The following SV2C variants were observed in gnomAD, a reference collection of about 807,000 sequenced individuals.
SV2C encodes synaptic vesicle glycoprotein 2C.
In SV2C, 49 loss-of-function variants were observed where a neutral mutation model predicts 79.7. That is an observed-to-expected ratio of 0.61 (90% confidence interval 0.49 to 0.78). The LOEUF (loss-of-function observed/expected upper bound fraction) is 0.78, where lower values mean the gene tolerates loss of function less well. Among genes scored for constraint, SV2C ranks in the 30% least tolerant of loss-of-function variants. The probability of loss-of-function intolerance (pLI) is 0.00; values close to 1 mark genes in which losing one functional copy is unlikely to be tolerated. For synonymous variants in SV2C, 334 were observed against 333.2 expected (o/e 1.00, Z -0.03); for missense variants, 833 against 912.9 (o/e 0.91, Z 1.13).
the SV2C span, among the ~76,000 whole-genome samples, chr5:75,933,339 A>C: frequency 6.6e-6 from 1 of 152,198 alleles, no homozygotes; most frequent in Non-Finnish European, 1.5e-5. Flanking sequence ...CCTCTACTGG[A>C]CAGCAAACTT....
At chr5:76,065,903 G>A in the SV2C span, among the ~76,000 whole-genome samples, 42 of 152,150 alleles carry the variant, frequency 2.8e-4, 1 homozygote, top group Admixed American at 1.3e-4. Context: ...GATAGACTCC[G>A]GAAGGGGGAT....
At chr5:75,939,479 G>A in the SV2C span, among the ~76,000 whole-genome samples, 1 of 152,014 alleles carries the variant, frequency 6.6e-6, no homozygotes, top group Non-Finnish European at 1.5e-5. Flanking sequence ...CCTCCCAGAG[G>A]CCCCACTTCC....
At chr5:75,934,420 G>T in the SV2C span, among the ~76,000 whole-genome samples, 1 of 149,464 alleles carries the variant, frequency 6.7e-6, no homozygotes, top group African/African-American at 2.5e-5. Flanking sequence ...CTGAGTAGCT[G>T]GGATTATAGG....
downstream of SV2C, among the ~76,000 whole-genome samples, chr5:76,335,885 A>T (rs575831288): frequency 6.6e-6 from 1 of 152,090 alleles, no homozygotes; most frequent in African/African-American, 2.4e-5. Flanking sequence ...CCCCCTTTCT[A>T]TTCCACAAAA....
At chr5:76,134,495 C>T (rs1316337993) in intron 2 of SV2C, among the ~76,000 whole-genome samples, 2 of 152,284 alleles carry the variant, frequency 1.3e-5, no homozygotes, top group East Asian at 3.9e-4. Flanking sequence ...GGATGCATGA[C>T]CCATGTTTGG....
chr5:75,899,837 T>C, the SV2C span, among the ~76,000 whole-genome samples: 51 of 152,230 alleles, frequency 3.4e-4, no homozygotes, highest in African/African-American at 1.2e-3. Flanking sequence ...TCTTTGTCTC[T>C]TTTGATCTTT....
the SV2C span, among the ~76,000 whole-genome samples, chr5:75,943,237 G>A: frequency 6.6e-6 from 1 of 152,140 alleles, no homozygotes; most frequent in Non-Finnish European, 1.5e-5. Flanking sequence ...GCTATTGCTT[G>A]GAAGAGAAAT....
intron 1 of SV2C, among the ~76,000 whole-genome samples, chr5:76,095,217 A>G (rs1004046518): frequency 3.3e-5 from 5 of 152,090 alleles, no homozygotes; most frequent in African/African-American, 1.2e-4. Context: ...CAGAGTTCCC[A>G]GTTACTCCAC....
At chr5:76,256,122 C>T (rs936563620) in intron 4 of SV2C, among the ~76,000 whole-genome samples, 5 of 152,188 alleles carry the variant, frequency 3.3e-5, no homozygotes, top group Admixed American at 1.3e-4. Flanking sequence ...TCACCAAGGC[C>T]ACTTTGTGCT....
the SV2C span, among the ~76,000 whole-genome samples, chr5:76,046,154 AG>A: frequency 1.3e-5 from 2 of 152,328 alleles, no homozygotes; most frequent in East Asian, 3.9e-4. Context: ...TCTATAAGTC[AG>A]GCTATTCACA....
At chr5:75,991,913 T>C in the SV2C span, among the ~76,000 whole-genome samples, 2 of 151,862 alleles carry the variant, frequency 1.3e-5, no homozygotes, top group Non-Finnish European at 2.9e-5. Flanking sequence ...ATTATAACTT[T>C]AATTTTAAAA....
At chr5:76,093,383 T>C (rs992994238) in intron 1 of SV2C, among the ~76,000 whole-genome samples, 23 of 152,176 alleles carry the variant, frequency 1.5e-4, no homozygotes, top group Non-Finnish European at 2.9e-5. Flanking sequence ...GTCCAGAATG[T>C]TGTTTGGGTG....
At chr5:75,984,990 C>G in the SV2C span, among the ~76,000 whole-genome samples, 1 of 152,032 alleles carries the variant, frequency 6.6e-6, no homozygotes, top group Non-Finnish European at 1.5e-5. Context: ...GTTGCTATAA[C>G]AGAATACTTG....
At chr5:75,971,544 T>A in the SV2C span, among the ~76,000 whole-genome samples, 64 of 151,878 alleles carry the variant, frequency 4.2e-4, no homozygotes, top group African/African-American at 1.5e-3. Flanking sequence ...GACAAACAGA[T>A]AGCCAAATCA....
intron 12 of SV2C, among the ~76,000 whole-genome samples, chr5:76,352,977 T>C (rs1749670935): frequency 1.3e-5 from 2 of 151,336 alleles, no homozygotes; most frequent in African/African-American, 4.9e-5. Flanking sequence ...GGTCTTGCTC[T>C]GTTGCCCAGG....
chr5:75,963,840 T>C, the SV2C span, among the ~76,000 whole-genome samples: 3 of 152,124 alleles, frequency 2.0e-5, no homozygotes, highest in Non-Finnish European at 4.4e-5. Flanking sequence ...CTCTTAGTGT[T>C]TCTCTCATAT....
At chr5:76,125,590 C>T (rs1748678380) in intron 1 of SV2C, among the ~76,000 whole-genome samples, 1 of 152,152 alleles carries the variant, frequency 6.6e-6, no homozygotes. Flanking sequence ...AACCCTCCTA[C>T]TCATACTCCA....
intron 4 of SV2C, among the ~76,000 whole-genome samples, chr5:76,214,480 T>C (rs1351773808): frequency 6.6e-6 from 1 of 152,226 alleles, no homozygotes; most frequent in Non-Finnish European, 1.5e-5. Flanking sequence ...GCTTTCTTCT[T>C]CTTGCTCAAG....
chr5:76,030,518 T>C, the SV2C span, among the ~76,000 whole-genome samples: 22 of 151,980 alleles, frequency 1.4e-4, no homozygotes, highest in Admixed American at 1.0e-3. Flanking sequence ...CCTATAGAAG[T>C]AAGTAATGCT....
Sources: allele counts gnomAD v4.1 joint callset (sites outside exome capture counted in the v4.1 genomes callset), GRCh38; gene constraint gnomAD v4.1.1; transcripts MANE v1.5; gene names NCBI Gene and HGNC (gene_info 2026-07-23, HGNC 2026-07-21).